Variants in FXYD3 observed in about 807,000 individuals in gnomAD.
FXYD3 encodes the protein FXYD domain containing ion transport regulator 3.
A neutral mutation model predicts 19.2 loss-of-function variants in FXYD3; 13 were observed. The observed-to-expected ratio is 0.68, with a 90% CI of 0.44 to 1.08. The LOEUF (loss-of-function observed/expected upper bound fraction) is 1.08, where lower values mean the gene tolerates loss of function less well. Ranked by LOEUF, FXYD3 falls within the 50% of genes least tolerant of loss-of-function variation. FXYD3 has a pLI of 0.00. For missense variants in FXYD3, 101 were observed against 109.4 expected, an observed-to-expected ratio of 0.92 and a Z score of 0.34; for synonymous variants, 48 against 38.9, an observed-to-expected ratio of 1.23 and a Z score of -0.87.
rs2065102187 is a variant in FXYD3 at position 35,123,715 on chromosome 19, G to A, written c.*258G>A. ...GTGGGGCTTGGGGCACCATGAGAAG[G>A]TTGGCGTGCCCTGGAGGCTGACACA... On this transcript the variant is annotated 3_prime_UTR_variant, in exon 9 of 9. Coordinates refer to ENST00000604404, the MANE Select transcript of FXYD3 (RefSeq NM_005971.4). 1.8e-6 allele frequency: 1 copy of A among 564,940 alleles called. No homozygotes were observed. The highest frequency in any genetic ancestry group is 3.2e-6 in the Non-Finnish European group (1 of 316,208). The allele number at this position is 564,940 out of a possible 1,614,324, so 35.0% of individuals were successfully genotyped here.
chr19:35,124,027 T>A lies in FXYD3; in HGVS notation c.*570T>A, dbSNP rs1272682449. The A allele has an allele frequency of 1.9e-5, 3 of 154,130 alleles. No homozygotes were observed. In the East Asian group the frequency reaches 5.8e-4, roughly 30 times the overall value. The allele number at this position is 154,130 out of a possible 1,614,324, so 9.5% of individuals were successfully genotyped here. The stretch of plus-strand genomic sequence containing the variant: ...TAGTAAGCCCCTGTGACCCTCTCAC[T>A]TACCCCGAGACCTCACTTTATTACA... On this transcript the variant is annotated 3_prime_UTR_variant, in exon 9 of 9. Transcript: ENST00000604404.
chr19:35,119,092 T>A (rs1390631762), intron 2 of FXYD3: 1 of 1,053,802 alleles, frequency 9.5e-7, no homozygotes, highest in Non-Finnish European at 1.4e-6. Flanking sequence ...AGTGGCGCCC[T>A]TGTTTGGTTG....
intron 2 of FXYD3, chr19:35,118,278 C>T (rs1348372745): frequency 6.1e-6 from 1 of 164,888 alleles, no homozygotes; most frequent in African/African-American, 2.4e-5. Flanking sequence ...ATCACTTGAA[C>T]CCAGGAGGCA....
rs954646271 is a variant in FXYD3 at position 35,116,296 on chromosome 19, G to T, written c.-78G>T. 6.1e-6 allele frequency: 6 copies of T among 985,436 alleles called. No individual in the cohort carries two copies. The highest frequency in any genetic ancestry group is 7.2e-6 in the Non-Finnish European group (6 of 829,964). The allele number at this position is 985,436 out of a possible 1,614,324, so 61.0% of individuals were successfully genotyped here. Reference sequence around the variant, plus strand: ...TAGGGCGTGGCAGCTTCGGATAAACGCAGGACTCCGCCTGGCAGCCCGATT... The same window carrying T: ...TAGGGCGTGGCAGCTTCGGATAAACTCAGGACTCCGCCTGGCAGCCCGATT... On this transcript the variant is annotated 5_prime_UTR_variant, in exon 2 of 9. Coordinates refer to ENST00000604404, the MANE Select transcript of FXYD3 (RefSeq NM_005971.4).
At chr19:35,122,284 A>C (rs1258652571) in intron 5 of FXYD3, among the ~76,000 whole-genome samples, 1 of 151,776 alleles carries the variant, frequency 6.6e-6, no homozygotes, top group East Asian at 1.9e-4. Flanking sequence ...CCTGCTGAGT[A>C]GCTGGGATTA....
intron 3 of FXYD3, among the ~76,000 whole-genome samples, chr19:35,120,600 A>G (rs1034442006): frequency 2.0e-5 from 3 of 152,226 alleles, no homozygotes; most frequent in African/African-American, 7.2e-5. Context: ...CATTTTCAAT[A>G]AAGTCTATTT....
Position 35,116,358 on chromosome 19 carries a change from A to T in FXYD3, c.-16A>T. 1 of 985,390 alleles carries T rather than the reference A, an allele frequency of 1.0e-6. No homozygotes were observed. Among genetic ancestry groups the T allele is most frequent in the East Asian group, 1.1e-4 (1 of 8,826 alleles). 61.0% of individuals were successfully genotyped at this position (985,390 alleles called of 1,614,324 possible). On this transcript the variant is annotated splice_region_variant and 5_prime_UTR_variant, in exon 2 of 9. Coordinates refer to ENST00000604404, the MANE Select transcript of FXYD3 (RefSeq NM_005971.4). ...CTCTGCTCAGCCTGGTGAACCACAC[A>T]GGTGAGCAGCTGGGGCCCCTTCCTC...
intron 3 of FXYD3, 92 bp downstream of exon 3, chr19:35,119,508 C>G (rs540951596): frequency 1.7e-6 from 2 of 1,186,214 alleles, no homozygotes; most frequent in East Asian, 2.3e-5. Context: ...TCTACCTCCC[C>G]GGGAAGGTGG....
At chr19:35,120,638 T>C (rs970004385) in intron 3 of FXYD3, among the ~76,000 whole-genome samples, 7 of 152,240 alleles carry the variant, frequency 4.6e-5, no homozygotes, top group Admixed American at 4.6e-4. Context: ...TCATTTTCAA[T>C]GATGTGCAAA....
At chr19:35,123,140 C>T in intron 7 of FXYD3, 131 bp from the exon 8 acceptor site, 1 of 1,483,416 alleles carries the variant, frequency 6.7e-7, no homozygotes, top group Non-Finnish European at 8.9e-7. Context: ...ATGCTTTGGC[C>T]CCTGGGATTG....
intron 2 of FXYD3, chr19:35,116,693 G>C (rs1450466098): frequency 1.0e-6 from 1 of 984,944 alleles, no homozygotes; most frequent in African/African-American, 1.7e-5. Flanking sequence ...GCCTGGGTAG[G>C]TAGGGGTATC....
In FXYD3 at chr19:35,123,572, T is replaced by C. The variant is rs2065100181; in HGVS notation, c.*115T>C. The C allele has an allele frequency of 1.8e-6, 2 of 1,096,102 alleles. No individual in the cohort carries two copies. The highest frequency in any genetic ancestry group is 1.4e-6 in the Non-Finnish European group (1 of 725,016). The allele number at this position is 1,096,102 out of a possible 1,614,324, so 67.9% of individuals were successfully genotyped here. A position where few individuals can be genotyped will look rare whatever the true frequency, so the allele number is the denominator to read the frequency against. ...TCTTCCTCCTCTGCTGGGACTCCTTTGCATGGCAGGGCCTCATCTCACCTC... is the reference window on the plus strand; with the variant it reads ...TCTTCCTCCTCTGCTGGGACTCCTTCGCATGGCAGGGCCTCATCTCACCTC... On this transcript the variant is annotated 3_prime_UTR_variant, in exon 9 of 9. Transcript: ENST00000604404.
At chr19:35,123,163 A>T in intron 7 of FXYD3, 108 bp from the exon 8 acceptor site, 1 of 1,503,850 alleles carries the variant, frequency 6.6e-7, no homozygotes, top group Non-Finnish European at 8.9e-7. Context: ...CAACCCCCCA[A>T]ATGGAAAGGC....
chr19:35,123,386 T>C, intron 8 of FXYD3, 55 bp from the exon 9 acceptor site: 2 of 1,613,582 alleles, frequency 1.2e-6, no homozygotes, highest in Non-Finnish European at 1.7e-6. Flanking sequence ...GTTTGCACAC[T>C]GGAAAGAAAA....
intron 2 of FXYD3, among the ~76,000 whole-genome samples, chr19:35,117,700 T>C (rs1600439721): frequency 8.5e-6 from 1 of 118,136 alleles, no homozygotes; most frequent in African/African-American, 3.3e-5. Context: ...CTTTTGGGGA[T>C]CCTAAACACT....
intron 5 of FXYD3, 80 bp downstream of exon 5, chr19:35,121,325 C>A: frequency 6.2e-7 from 1 of 1,614,098 alleles, no homozygotes; most frequent in South Asian, 1.1e-5. Context: ...AGGGTTGGGG[C>A]CTGACGTGAG....
chr19:35,118,590 T>A, intron 2 of FXYD3: 1 of 993,658 alleles, frequency 1.0e-6, no homozygotes, highest in Non-Finnish European at 1.2e-6. Context: ...GGAACTCTGC[T>A]GGGCCTAGGG....
intron 1 of FXYD3, 138 bp from the exon 2 acceptor site, chr19:35,116,126 C>A: frequency 3.7e-6 from 2 of 535,314 alleles, no homozygotes; most frequent in South Asian, 8.0e-5. Context: ...CTCCGTCTCA[C>A]CTGAGGCTGC....
chr19:35,123,446 G>C lies in FXYD3; in HGVS notation c.253G>C (p.Ala85Pro). The change falls in exon 9 of 9, where the codon GCC becomes CCC. Residue 85 changes from alanine (A) to proline (P), a missense_variant. Ala to Pro is a conservative substitution (Grantham distance 27, BLOSUM62 -1). Transcript: ENST00000604404. ...ETPPLITPGS[A>P]QS ...GACCCCATCACTTCCCGCAGGCTCAGCCCAAAGCTGATGAGGACAGACCAG... is the reference window on the plus strand; with the variant it reads ...GACCCCATCACTTCCCGCAGGCTCACCCCAAAGCTGATGAGGACAGACCAG... 1 of 1,614,098 alleles carries C rather than the reference G, an allele frequency of 6.2e-7. No individual in the cohort carries two copies. The highest frequency in any genetic ancestry group is 1.7e-5 in the Admixed American group (1 of 60,008).
Sources: allele counts gnomAD v4.1 joint callset (sites outside exome capture counted in the v4.1 genomes callset), GRCh38; gene constraint gnomAD v4.1.1; transcripts MANE v1.5; gene names NCBI Gene and HGNC (gene_info 2026-07-23, HGNC 2026-07-21).